SYNDIG1: variants seen among roughly 807,000 people sequenced by gnomAD.
SYNDIG1 encodes the protein synapse differentiation-inducing gene protein 1.
Under a neutral mutation model 19.4 loss-of-function variants are expected in SYNDIG1, and 9 were observed. The observed-to-expected ratio is 0.46, with a 90% CI of 0.28 to 0.81. The LOEUF (loss-of-function observed/expected upper bound fraction) is 0.81, where lower values mean the gene tolerates loss of function less well. Among genes scored for constraint, SYNDIG1 ranks in the 30% least tolerant of loss-of-function variants. The pLI is 0.12. For missense variants in SYNDIG1, 311 were observed against 343.3 expected (o/e 0.91, Z 0.74); for synonymous variants, 141 against 145.9 (o/e 0.97, Z 0.24).
intron 2 of SYNDIG1, among the ~76,000 whole-genome samples, chr20:24,559,486 A>T (rs1271756463): frequency 6.6e-6 from 1 of 152,252 alleles, no homozygotes; most frequent in Non-Finnish European, 1.5e-5. Context: ...TTAAACAAAC[A>T]AACGACACAG....
At chr20:24,661,925 G>T (rs1308859778) in intron 3 of SYNDIG1, among the ~76,000 whole-genome samples, 8 of 152,148 alleles carry the variant, frequency 5.3e-5, no homozygotes. Context: ...AGAATTGCTG[G>T]TGGGTTTCAG....
intron 2 of SYNDIG1, among the ~76,000 whole-genome samples, chr20:24,582,491 C>G (rs1257581580): frequency 3.3e-4 from 47 of 140,324 alleles, no homozygotes; most frequent in African/African-American, 1.1e-3. Context: ...TGTCCTCACC[C>G]CTGCACATCC....
intron 1 of SYNDIG1, among the ~76,000 whole-genome samples, chr20:24,529,416 T>TGA (rs1250861095): frequency 6.6e-6 from 1 of 151,910 alleles, no homozygotes; most frequent in Non-Finnish European, 1.5e-5. Context: ...AATTTTTCTG[T>TGA]AAAGAGTCAG....
intron 3 of SYNDIG1, among the ~76,000 whole-genome samples, chr20:24,605,324 T>C (rs1372991679): frequency 6.6e-6 from 1 of 152,178 alleles, no homozygotes; most frequent in African/African-American, 2.4e-5. Flanking sequence ...TGAAAAACAT[T>C]GCTAGAGGAA....
chr20:24,604,009 T>C (rs954025365), intron 3 of SYNDIG1, among the ~76,000 whole-genome samples: 1 of 152,248 alleles, frequency 6.6e-6, no homozygotes, highest in South Asian at 2.1e-4. Flanking sequence ...TCTCCGAAGC[T>C]GTCACCTGTC....
intron 1 of SYNDIG1, among the ~76,000 whole-genome samples, chr20:24,513,813 C>T (rs936125004): frequency 6.6e-6 from 1 of 152,104 alleles, no homozygotes; most frequent in African/African-American, 2.4e-5. Flanking sequence ...AACTCCAAGA[C>T]ATGTAATTGT....
chr20:24,531,600 A>G (rs190647981), intron 1 of SYNDIG1, among the ~76,000 whole-genome samples: 212 of 151,098 alleles, frequency 1.4e-3, no homozygotes, highest in African/African-American at 5.0e-3. Flanking sequence ...CCTCAGAGCA[A>G]AACCATCTAT....
At chr20:24,520,767 G>C (rs544265410) in intron 1 of SYNDIG1, among the ~76,000 whole-genome samples, 1 of 151,132 alleles carries the variant, frequency 6.6e-6, no homozygotes, top group Non-Finnish European at 1.5e-5. Flanking sequence ...ATGTTGGCTT[G>C]TACACCAACA....
intron 3 of SYNDIG1, among the ~76,000 whole-genome samples, chr20:24,661,532 A>AGAG (rs1568723393): frequency 1.9e-3 from 7 of 3,698 alleles, no homozygotes; most frequent in South Asian, 0.015. Flanking sequence ...GGAGGAAAAA[A>AGAG]GGAGGAAGGA....
intron 1 of SYNDIG1, among the ~76,000 whole-genome samples, chr20:24,500,566 C>A (rs1405400075): frequency 6.8e-6 from 1 of 146,794 alleles, no homozygotes; most frequent in Non-Finnish European, 1.5e-5. Context: ...CTTTCTCTCT[C>A]TCTCTTTCTT....
intron 3 of SYNDIG1, among the ~76,000 whole-genome samples, chr20:24,648,981 G>A (rs180777306): frequency 6.6e-6 from 1 of 152,354 alleles, no homozygotes; most frequent in African/African-American, 2.4e-5. Context: ...GATGTTAAGT[G>A]TTGAAAAAAG....
intron 1 of SYNDIG1, among the ~76,000 whole-genome samples, chr20:24,477,060 A>G (rs182026543): frequency 4.1e-4 from 62 of 152,340 alleles, no homozygotes; most frequent in South Asian, 2.1e-3. Context: ...TGTTGACTCA[A>G]TATGTGCAGA....
Position 24,548,067 on chromosome 20 carries a change from C to T in SYNDIG1, c.480+4490C>T, listed in dbSNP as rs956302859. On this transcript the variant is annotated intron_variant, in intron 2 of 3. Coordinates refer to ENST00000376862, the MANE Select transcript of SYNDIG1 (RefSeq NM_024893.3). Reference sequence around the variant, plus strand: ...TCGATGGAGCACCTTTTCTGCCACGCCCTCCAAGTGCACTTGGCCATCGAA... The same window carrying T: ...TCGATGGAGCACCTTTTCTGCCACGTCCTCCAAGTGCACTTGGCCATCGAA... 9.9e-5 allele frequency among the ~76,000 whole-genome samples: 15 copies of T among 152,252 alleles called. No individual in the cohort carries two copies. The East Asian group carries it at 2.3e-3, about 24-fold the overall frequency.
At chr20:24,588,005 G>A (rs2058446297) in intron 3 of SYNDIG1, among the ~76,000 whole-genome samples, 1 of 152,196 alleles carries the variant, frequency 6.6e-6, no homozygotes, top group South Asian at 2.1e-4. Context: ...GATTAAATTG[G>A]GCAGTGGAGA....
chr20:24,562,603 A>G (rs2057968156), intron 2 of SYNDIG1, among the ~76,000 whole-genome samples: 1 of 152,216 alleles, frequency 6.6e-6, no homozygotes, highest in Admixed American at 6.5e-5. Context: ...CTCCCAGATA[A>G]TAATACAAGG....
intron 1 of SYNDIG1, among the ~76,000 whole-genome samples, chr20:24,534,110 C>A (rs142627349): frequency 6.6e-6 from 1 of 152,154 alleles, no homozygotes; most frequent in East Asian, 1.9e-4. Flanking sequence ...CCAGCTCTTA[C>A]GAGAGCTTAT....
chr20:24,535,627 A>G (rs1191237178), intron 1 of SYNDIG1, among the ~76,000 whole-genome samples: 1 of 152,208 alleles, frequency 6.6e-6, no homozygotes, highest in East Asian at 1.9e-4. Context: ...TTTTCATGAA[A>G]AAAAAAGGGT....
intron 1 of SYNDIG1, among the ~76,000 whole-genome samples, chr20:24,535,197 T>G (rs927303368): frequency 2.0e-5 from 3 of 152,198 alleles, no homozygotes; most frequent in African/African-American, 4.8e-5. Context: ...AGCAGCACCA[T>G]AGTTGTTTGC....
intron 1 of SYNDIG1, among the ~76,000 whole-genome samples, 174 bp from the exon 2 acceptor site, chr20:24,542,846 C>G (rs758549369): frequency 2.0e-5 from 3 of 152,180 alleles, no homozygotes; most frequent in Non-Finnish European, 4.4e-5. Context: ...GCTAGCCGCC[C>G]CCACAGACCC....
Sources: gnomAD v4.1 joint callset for allele counts (sites outside exome capture counted in the v4.1 genomes callset) on GRCh38, gnomAD v4.1.1 for gene constraint, MANE v1.5 for transcripts, NCBI Gene and HGNC (gene_info 2026-07-23, HGNC 2026-07-21) for gene names.